Variants in RECK observed in about 807,000 individuals in gnomAD.
RECK encodes the protein reversion-inducing cysteine-rich protein with Kazal motifs.
A neutral mutation model predicts 115.1 loss-of-function variants in RECK; 69 were observed. The ratio of observed to expected loss-of-function variants is 0.60; its 90% CI spans 0.49 to 0.73. RECK has a LOEUF of 0.73. Among genes scored for constraint, RECK ranks in the 30% least tolerant of loss-of-function variants. The pLI is 0.00. For missense variants in RECK, 1,047 were observed against 1,203.7 expected (o/e 0.87, Z 1.93); for synonymous variants, 414 against 419.7 (o/e 0.99, Z 0.17).
At position 36,100,541 on chromosome 9, in the gene RECK, CAAGT is replaced by C; in HGVS notation, c.1298+3_1298+6del. The C allele has an allele frequency of 6.2e-7, 1 of 1,609,584 alleles. No homozygotes were observed. On this transcript the variant is annotated splice_donor_variant and coding_sequence_variant, in exon 11 of 21. Transcript: ENST00000377966. LOFTEE classifies it high-confidence loss of function. ...GTAAATCTCGGGGAAGTATTATTTG[CAAGT>C]AAGTTTCTTTCATCCTAACGATTCT...
At chr9:36,077,012 G>T (rs1221047578) in intron 6 of RECK, among the ~76,000 whole-genome samples, 1 of 152,070 alleles carries the variant, frequency 6.6e-6, no homozygotes, top group East Asian at 1.9e-4. Context: ...ACAGCTTTTG[G>T]ATTTGAAGTT....
chr9:36,074,693 CT>C (rs1433357353), intron 6 of RECK, among the ~76,000 whole-genome samples: 1 of 152,176 alleles, frequency 6.6e-6, no homozygotes, highest in East Asian at 1.9e-4. Flanking sequence ...AGTATATCAG[CT>C]TTACGTGGAA....
intron 14 of RECK, among the ~76,000 whole-genome samples, chr9:36,108,379 T>C (rs563543879): frequency 6.6e-6 from 1 of 152,326 alleles, no homozygotes; most frequent in South Asian, 2.1e-4. Context: ...TTAATATTTA[T>C]TGAATTCTAA....
chr9:36,053,757 G>C (rs917397813), intron 2 of RECK, among the ~76,000 whole-genome samples: 11 of 152,038 alleles, frequency 7.2e-5, no homozygotes, highest in African/African-American at 2.7e-4. Flanking sequence ...CAGCAGGCAA[G>C]GTCTAATTTC....
chr9:36,054,584 T>G (rs1188387114), intron 2 of RECK, among the ~76,000 whole-genome samples: 2 of 151,514 alleles, frequency 1.3e-5, no homozygotes, highest in Admixed American at 1.3e-4. Context: ...TTGTTTATGA[T>G]GAATTCCGTG....
At chr9:36,110,144 C>T in intron 15 of RECK, 65 bp downstream of exon 15, 5 of 1,535,544 alleles carry the variant, frequency 3.3e-6, no homozygotes, top group Non-Finnish European at 4.4e-6. Context: ...TTTTTCCCTT[C>T]AAGGCAGCTT....
rs968906735 is a variant in RECK, at chr9:36,094,196, C to A, written c.1085+2853C>A. On this transcript the variant is annotated intron_variant, in intron 10 of 20. Coordinates refer to ENST00000377966, the MANE Select transcript of RECK (RefSeq NM_021111.3). The surrounding 1 kb of genome is among the most constrained non-coding windows in gnomAD (Gnocchi z 4.1). ...ATGAAAAATATTTTTTCTTTATTTT[C>A]TTTTTCTTTTTTTTCTTTTGTATTT... Among the ~76,000 whole-genome samples, 1 of 147,514 alleles carries A rather than the reference C, an allele frequency of 6.8e-6. No homozygotes were observed. The highest frequency in any genetic ancestry group is 1.5e-5 in the Non-Finnish European group (1 of 66,160).
At chr9:36,048,253 A>G (rs566647514) in intron 1 of RECK, among the ~76,000 whole-genome samples, 23 of 151,048 alleles carry the variant, frequency 1.5e-4, no homozygotes, top group Middle Eastern at 6.8e-3. Flanking sequence ...CCAATTCTAG[A>G]CAGCTGCTGA....
chr9:36,065,656 C>G, intron 6 of RECK, 32 bp downstream of exon 6: 2 of 1,492,380 alleles, frequency 1.3e-6, no homozygotes, highest in South Asian at 2.8e-5. Context: ...TGTGGATAGC[C>G]TATTCAGATG....
chr9:36,117,580 C>T lies in RECK; in HGVS notation c.2253+403C>T, dbSNP rs561264097. ...CCCACTCTTCCCACATCAGTCCCACCTCCCAAGGTACTGAAAAGTCATTGA... is the reference window on the plus strand; with the variant it reads ...CCCACTCTTCCCACATCAGTCCCACTTCCCAAGGTACTGAAAAGTCATTGA... On this transcript the variant is annotated intron_variant, in intron 17 of 20. Transcript: ENST00000377966. 9.8e-5 allele frequency among the ~76,000 whole-genome samples: 15 copies of T among 152,356 alleles called. 1 individual carries two copies. In the South Asian group the frequency reaches 3.1e-3, roughly 32 times the overall value.
intron 7 of RECK, 138 bp from the exon 8 acceptor site, chr9:36,083,227 G>C: frequency 1.2e-6 from 1 of 854,068 alleles, no homozygotes; most frequent in Non-Finnish European, 1.8e-6. Context: ...CAGAAGTGCC[G>C]ATTTTAAGTG....
chr9:36,120,603 G>T, intron 18 of RECK, 60 bp from the exon 19 acceptor site: 2 of 1,355,620 alleles, frequency 1.5e-6, no homozygotes, highest in South Asian at 2.4e-5. Context: ...TTTCACTAAG[G>T]ATTTTAAATT....
At chr9:36,060,032 T>C in intron 3 of RECK, 87 bp from the exon 4 acceptor site, 1 of 1,218,364 alleles carries the variant, frequency 8.2e-7, no homozygotes, top group Non-Finnish European at 1.2e-6. Flanking sequence ...ATAATCAAAT[T>C]AGCTGTTCAT....
intron 2 of RECK, 23 bp from the exon 3 acceptor site, chr9:36,058,804 A>T: frequency 3.3e-6 from 5 of 1,503,336 alleles, no homozygotes; most frequent in South Asian, 1.2e-5. Flanking sequence ...TGCCACAAAA[A>T]CTTTTTTTTT....
intron 6 of RECK, among the ~76,000 whole-genome samples, chr9:36,075,356 G>C (rs929085681): frequency 7.2e-5 from 11 of 152,172 alleles, no homozygotes; most frequent in African/African-American, 2.4e-5. Context: ...TGGGTGCCCT[G>C]TGGTGATAAT....
chr9:36,089,129 T>G (rs1823069305), intron 9 of RECK, among the ~76,000 whole-genome samples: 1 of 152,098 alleles, frequency 6.6e-6, no homozygotes, highest in Non-Finnish European at 1.5e-5. Flanking sequence ...ACAAAAAGGC[T>G]TAAAGGGAAA....
intron 1 of RECK, among the ~76,000 whole-genome samples, chr9:36,051,241 G>A (rs1011398199): frequency 6.6e-6 from 1 of 152,074 alleles, no homozygotes; most frequent in Non-Finnish European, 1.5e-5. Context: ...GTCCTCTTGA[G>A]ACTTGTTCTG....
At chr9:36,050,105 A>G (rs1821229641) in intron 1 of RECK, among the ~76,000 whole-genome samples, 1 of 152,170 alleles carries the variant, frequency 6.6e-6, no homozygotes, top group Non-Finnish European at 1.5e-5. Context: ...ATGGCTTTAA[A>G]TATCATCTAC....
At chr9:36,053,755 A>G (rs991731568) in intron 2 of RECK, among the ~76,000 whole-genome samples, 10 of 152,190 alleles carry the variant, frequency 6.6e-5, no homozygotes, top group African/African-American at 2.2e-4. Flanking sequence ...AGCAGCAGGC[A>G]AGGTCTAATT....
Sources: allele counts gnomAD v4.1 joint callset (sites outside exome capture counted in the v4.1 genomes callset), GRCh38; gene constraint gnomAD v4.1.1; non-coding constraint Gnocchi (gnomAD v3.1); transcripts MANE v1.5; gene names NCBI Gene and HGNC (gene_info 2026-07-23, HGNC 2026-07-21).